The following PCSK5 variants were observed in gnomAD, a reference collection of about 807,000 sequenced individuals.
PCSK5 encodes the protein proprotein convertase subtilisin/kexin type 5.
PCSK5 carries 129 observed loss-of-function variants against 233.2 expected under a neutral mutation model. The ratio of observed to expected loss-of-function variants is 0.55; its 90% CI spans 0.48 to 0.64. The LOEUF is 0.64. PCSK5 is among the 30% of genes least tolerant of loss of function. The pLI is 0.00. For synonymous variants in PCSK5, 825 were observed against 879.2 expected (o/e 0.94, Z 1.09); for missense variants, 2,076 against 2,430.1 (o/e 0.85, Z 3.06).
intron 2 of PCSK5, among the ~76,000 whole-genome samples, chr9:75,945,109 C>G (rs1292959395): frequency 6.6e-6 from 1 of 150,468 alleles, no homozygotes; most frequent in Non-Finnish European, 1.5e-5. Flanking sequence ...AATTCCATCT[C>G]AAAAAATATA....
At chr9:76,353,913 C>A in intron 36 of PCSK5, 120 bp from the exon 37 acceptor site, 1 of 703,642 alleles carries the variant, frequency 1.4e-6, no homozygotes, top group Non-Finnish European at 2.4e-6. Context: ...ACACACCATC[C>A]TTCTGCTGTC....
At chr9:76,213,893 C>A (rs1825420618) in intron 20 of PCSK5, among the ~76,000 whole-genome samples, 1 of 152,118 alleles carries the variant, frequency 6.6e-6, no homozygotes, top group African/African-American at 2.4e-5. Flanking sequence ...TTCCCTCCTG[C>A]CCACTTAACC....
Position 75,892,977 on chromosome 9 carries a change from C to T in PCSK5, c.192+1604C>T, listed in dbSNP as rs1316772492. Among the ~76,000 whole-genome samples the T allele has an allele frequency of 6.6e-5, 10 of 152,258 alleles. No individual in the cohort carries two copies. In the South Asian group the frequency reaches 1.9e-3, roughly 28 times the overall value. ...GCGGAAGATTTCCATTCTAAAGGCT[C>T]GTTGGGATTCTACTGGCTTCTTTTT... On this transcript the variant is annotated intron_variant, in intron 1 of 37. Coordinates refer to ENST00000674117, the MANE Select transcript of PCSK5 (RefSeq NM_001372043.1).
intron 37 of PCSK5, among the ~76,000 whole-genome samples, chr9:76,355,490 G>A (rs766385901): frequency 6.7e-6 from 1 of 149,620 alleles, no homozygotes; most frequent in Admixed American, 6.7e-5. Flanking sequence ...GAAAAGAAAA[G>A]AAAAAAAAAG....
intron 37 of PCSK5, among the ~76,000 whole-genome samples, chr9:76,357,254 G>C (rs1305354992): frequency 6.6e-6 from 1 of 152,206 alleles, no homozygotes; most frequent in Non-Finnish European, 1.5e-5. Context: ...ATGGCTGGAT[G>C]TGGTGGCTCA....
intron 1 of PCSK5, among the ~76,000 whole-genome samples, chr9:75,903,141 C>A (rs1826113436): frequency 1.3e-5 from 2 of 152,194 alleles, no homozygotes; most frequent in Admixed American, 1.3e-4. Context: ...TATAGTACAA[C>A]AAAGCTGTGT....
At position 75,979,796 on chromosome 9, in the gene PCSK5, A is replaced by G. The variant is rs563171574; in HGVS notation, c.298-6336A>G. 3.3e-5 allele frequency among the ~76,000 whole-genome samples: 5 copies of G among 152,308 alleles called. No homozygotes were observed. The East Asian group carries it at 9.6e-4, about 29-fold the overall frequency. ...AGGCCTTTCTTGACCACCTTACTTG[A>G]AATAATCCCTTCCTCCATAATCACT... is the stretch of plus-strand genomic sequence containing the variant. On this transcript the variant is annotated intron_variant, in intron 2 of 37. Transcript: ENST00000674117.
rs568948888 is a variant in PCSK5, at chr9:76,339,889, TC to T, written c.4966+1446del. Reference sequence around the variant, plus strand: ...AAGGCTATTAAGATTTTCCCAGCAGTCCCCTTAACTTATGTCTTAAGGACTT... The same window carrying T: ...AAGGCTATTAAGATTTTCCCAGCAGTCCCTTAACTTATGTCTTAAGGACTT... On this transcript the variant is annotated intron_variant, in intron 35 of 37. Coordinates refer to ENST00000674117, the MANE Select transcript of PCSK5 (RefSeq NM_001372043.1). 2.9e-3 allele frequency among the ~76,000 whole-genome samples: 447 copies of T among 152,188 alleles called. 2 individuals carry two copies. The highest frequency in any genetic ancestry group is 3.9e-3 in the Non-Finnish European group (266 of 68,010).
intron 2 of PCSK5, among the ~76,000 whole-genome samples, chr9:75,945,031 C>T (rs1267284097): frequency 1.3e-5 from 2 of 151,888 alleles, no homozygotes; most frequent in Non-Finnish European, 2.9e-5. Flanking sequence ...ATTGCTTGAA[C>T]TCGGGAGGTG....
In PCSK5 at chr9:75,894,922, A is replaced by G. The variant is rs145952353; in HGVS notation, c.192+3549A>G. Among the ~76,000 whole-genome samples, 677 of 152,340 alleles carry G rather than the reference A, an allele frequency of 4.4e-3. 9 individuals carry two copies. The highest frequency in any genetic ancestry group is 0.015 in the African/African-American group (635 of 41,572). On this transcript the variant is annotated intron_variant, in intron 1 of 37. Coordinates refer to ENST00000674117, the MANE Select transcript of PCSK5 (RefSeq NM_001372043.1). ...TCCATTTAGAGTAAATCTACAAAGA[A>G]GAATTAATGTCTGGTTATTTGAATT... is the stretch of plus-strand genomic sequence containing the variant.
At chr9:76,004,404 G>T (rs1378489491) in intron 3 of PCSK5, among the ~76,000 whole-genome samples, 4 of 152,116 alleles carry the variant, frequency 2.6e-5, no homozygotes, top group Non-Finnish European at 5.9e-5. Flanking sequence ...TCACTTGGTG[G>T]ATTGAGATGA....
intron 3 of PCSK5, among the ~76,000 whole-genome samples, chr9:76,007,661 C>G (rs182678207): frequency 1.4e-4 from 22 of 152,154 alleles, no homozygotes; most frequent in Admixed American, 4.6e-4. Flanking sequence ...GGGTCTCACT[C>G]TGTTGCCCAG....
chr9:76,355,811 C>T (rs149442470), intron 37 of PCSK5, among the ~76,000 whole-genome samples: 1 of 151,958 alleles, frequency 6.6e-6, no homozygotes, highest in Non-Finnish European at 1.5e-5. Context: ...TCAAGCTATT[C>T]TTCTACCTCA....
chr9:76,197,490 A>T (rs1036981041), intron 20 of PCSK5, among the ~76,000 whole-genome samples: 1 of 152,244 alleles, frequency 6.6e-6, no homozygotes, highest in African/African-American at 2.4e-5. Flanking sequence ...AATACTTGCA[A>T]CATATCTGAG....
chr9:75,990,094 C>A (rs906239438), intron 3 of PCSK5, among the ~76,000 whole-genome samples: 3 of 152,174 alleles, frequency 2.0e-5, no homozygotes, highest in African/African-American at 7.2e-5. Flanking sequence ...AAGGTGAGAT[C>A]CCATGCCCAG....
intron 24 of PCSK5, among the ~76,000 whole-genome samples, chr9:76,254,535 G>A (rs889597015): frequency 6.6e-6 from 1 of 151,554 alleles, no homozygotes; most frequent in Non-Finnish European, 1.5e-5. Flanking sequence ...TTTATCTCTG[G>A]CAACTGATGA....
chr9:75,958,761 A>G (rs1295131741), intron 2 of PCSK5, among the ~76,000 whole-genome samples: 1 of 152,218 alleles, frequency 6.6e-6, no homozygotes, highest in Non-Finnish European at 1.5e-5. Context: ...TTCCTTCTGT[A>G]TGAAATGGAA....
chr9:76,061,604 GA>G (rs1318769130), intron 5 of PCSK5, among the ~76,000 whole-genome samples: 2 of 152,060 alleles, frequency 1.3e-5, no homozygotes, highest in South Asian at 2.1e-4. Flanking sequence ...AGATTTGGGG[GA>G]AAATTAATAG....
intron 32 of PCSK5, 136 bp downstream of exon 32, chr9:76,323,424 C>A: frequency 1.6e-6 from 1 of 616,714 alleles, no homozygotes; most frequent in Non-Finnish European, 2.9e-6. Flanking sequence ...CCCTCTATTG[C>A]CCAGGCTCAA....
Sources: allele counts gnomAD v4.1 joint callset (sites outside exome capture counted in the v4.1 genomes callset), GRCh38; gene constraint gnomAD v4.1.1; transcripts MANE v1.5; gene names NCBI Gene and HGNC (gene_info 2026-07-23, HGNC 2026-07-21).